The following CCDC93 variants were observed in gnomAD, a reference collection of about 807,000 sequenced individuals.
The protein encoded by CCDC93 is coiled-coil domain-containing protein 93.
Under a neutral mutation model 108.2 loss-of-function variants are expected in CCDC93, and 61 were observed. The observed-to-expected ratio is 0.56, with a 90% CI of 0.46 to 0.70. The LOEUF is 0.70. Among genes scored for constraint, CCDC93 ranks in the 30% least tolerant of loss-of-function variants. CCDC93 has a pLI of 0.00. For synonymous variants in CCDC93, 276 were observed against 260.4 expected, an observed-to-expected ratio of 1.06 and a Z score of -0.58; for missense variants, 685 against 764.2, an observed-to-expected ratio of 0.90 and a Z score of 1.22.
intron 13 of CCDC93, chr2:117,949,853 A>G (rs1431572522): frequency 3.0e-6 from 3 of 985,298 alleles, no homozygotes; most frequent in African/African-American, 3.5e-5. Flanking sequence ...ACAGGCCAAA[A>G]AGGATGGTTA....
At chr2:117,959,571 T>C (rs534680052) in intron 11 of CCDC93, among the ~76,000 whole-genome samples, 1 of 152,330 alleles carries the variant, frequency 6.6e-6, no homozygotes, top group East Asian at 1.9e-4. Context: ...CCATTTATTC[T>C]GGTTAAGGAT....
rs562122526 is a variant in CCDC93 at position 117,996,189 on chromosome 2, G to A, written c.462+75C>T. The A allele has an allele frequency of 5.1e-6, 5 of 979,308 alleles. No homozygotes were observed. The South Asian group carries it at 7.0e-5, about 14-fold the overall frequency. 60.7% of individuals were successfully genotyped at this position (979,308 alleles called of 1,614,324 possible). On this transcript the variant is annotated intron_variant, in intron 5 of 23. Coordinates refer to ENST00000376300, the MANE Select transcript of CCDC93 (RefSeq NM_019044.5). ...ATGTAGGGGAGCCTGAGCTTACTCT[G>A]CTCCTTGCTAGAGAGTCTCTTAAGT... is the stretch of plus-strand genomic sequence containing the variant.
Position 117,952,418 on chromosome 2 carries a change from G to A in CCDC93, c.1023C>T (p.Thr341=). The change falls in exon 13 of 24, where the codon ACC becomes ACT. Residue 341 remains threonine (T), a synonymous_variant. Coordinates refer to ENST00000376300, the MANE Select transcript of CCDC93 (RefSeq NM_019044.5). ...KHLEELRASH[T]SLQARYNEAK... ...CTTCATTATATCTGGCTTGTAGGCT[G>A]GTGTGACTTGCTCGCAGCTGTAAAT... is the stretch of plus-strand genomic sequence containing the variant. 1 of 1,612,906 alleles carries A rather than the reference G, an allele frequency of 6.2e-7. No individual in the cohort carries two copies. Among genetic ancestry groups the A allele is most frequent in the Non-Finnish European group, 8.5e-7 (1 of 1,178,938 alleles).
chr2:117,986,151 G>GTT, intron 6 of CCDC93, 82 bp from the exon 7 acceptor site: 2 of 553,812 alleles, frequency 3.6e-6, no homozygotes, highest in East Asian at 3.6e-5. Context: ...CAGCCATGGG[G>GTT]TATATTCTCT....
At chr2:117,950,725 TCAAG>T (rs1679026781) in intron 13 of CCDC93, 1 of 985,288 alleles carries the variant, frequency 1.0e-6, no homozygotes, top group Non-Finnish European at 1.2e-6. Flanking sequence ...GCTGACCAAA[TCAAG>T]CTTCTTCAGA....
chr2:118,003,719 C>T (rs541916233), intron 3 of CCDC93, among the ~76,000 whole-genome samples: 29 of 152,212 alleles, frequency 1.9e-4, no homozygotes, highest in African/African-American at 6.7e-4. Flanking sequence ...AAGGCTATCA[C>T]GGGTCATCCT....
chr2:117,986,779 A>T (rs573353324), intron 6 of CCDC93, among the ~76,000 whole-genome samples: 2 of 152,338 alleles, frequency 1.3e-5, no homozygotes, highest in South Asian at 4.1e-4. Context: ...AGATGATGCT[A>T]AAGGTTGTTC....
At chr2:118,008,415 T>C in intron 2 of CCDC93, 130 bp downstream of exon 2, 2 of 632,502 alleles carry the variant, frequency 3.2e-6, no homozygotes, top group Middle Eastern at 2.6e-4. Context: ...ATAATGAATC[T>C]GAATTAGGAA....
chr2:117,923,220 C>T (rs1206991645), intron 23 of CCDC93, among the ~76,000 whole-genome samples: 1 of 152,142 alleles, frequency 6.6e-6, no homozygotes, highest in African/African-American at 2.4e-5. Flanking sequence ...TCTGCATTTC[C>T]AACTGAGGTA....
intron 13 of CCDC93, chr2:117,950,801 T>C: frequency 1.0e-6 from 1 of 985,456 alleles, no homozygotes; most frequent in Non-Finnish European, 1.2e-6. Context: ...TAGTCTGATT[T>C]TCCTATTAGA....
chr2:117,982,764 G>GT (rs1553457184), intron 7 of CCDC93, among the ~76,000 whole-genome samples: 24 of 151,904 alleles, frequency 1.6e-4, no homozygotes, highest in Non-Finnish European at 2.8e-4. Context: ...GTGGGGGGGG[G>GT]GGTGCGTGAG....
rs1034928817 is a variant in CCDC93, at chr2:117,916,521, A to T, written c.*3822T>A. On this transcript the variant is annotated 3_prime_UTR_variant, in exon 24 of 24. Transcript: ENST00000376300. ...TTCAATCTAAATTTTCCTAATAGAG[A>T]TGCAAAGTTGCAATGTGGAAAAGCC... 1.3e-5 allele frequency: 2 copies of T among 152,214 alleles called. No individual in the cohort carries two copies. The highest frequency in any genetic ancestry group is 4.8e-5 in the African/African-American group (2 of 41,466). The allele number at this position is 152,214 out of a possible 1,614,324, so 9.4% of individuals were successfully genotyped here. A position where few individuals can be genotyped will look rare whatever the true frequency, so the allele number is the denominator to read the frequency against.
intron 22 of CCDC93, chr2:117,933,976 C>T (rs1417061435): frequency 1.3e-5 from 2 of 152,108 alleles, no homozygotes; most frequent in Non-Finnish European, 2.9e-5. Context: ...TGGCACCCAC[C>T]ATGGAGGGGA....
In CCDC93 at chr2:117,964,640, C is replaced by T. The variant is rs139580188; in HGVS notation, c.889-6159G>A. 6.1e-3 allele frequency among the ~76,000 whole-genome samples: 932 copies of T among 152,140 alleles called. 9 individuals carry two copies. Among genetic ancestry groups the T allele is most frequent in the Middle Eastern group, 0.01 (3 of 294 alleles). On this transcript the variant is annotated intron_variant, in intron 11 of 23. Transcript: ENST00000376300. ...TTTTAAGAGGGTCTCACTCTGTTGC[C>T]CAGGCTGGAATGCAGTGGCATGATC...
chr2:117,996,858 T>C (rs1017680186), intron 4 of CCDC93: 5 of 153,490 alleles, frequency 3.3e-5, no homozygotes, highest in African/African-American at 7.2e-5. Context: ...AACTCCCCAT[T>C]TGACAAGTGA....
At chr2:117,966,708 C>G (rs1173241462) in intron 11 of CCDC93, among the ~76,000 whole-genome samples, 1 of 152,180 alleles carries the variant, frequency 6.6e-6, no homozygotes, top group Non-Finnish European at 1.5e-5. Context: ...ATAAGTACAT[C>G]CTTGACCATA....
intron 22 of CCDC93, 77 bp from the exon 23 acceptor site, chr2:117,931,227 C>T: frequency 7.0e-6 from 6 of 858,794 alleles, no homozygotes; most frequent in East Asian, 2.4e-5. Context: ...CAAAAGGCAA[C>T]AGTTGTTAAC....
intron 11 of CCDC93, among the ~76,000 whole-genome samples, chr2:117,966,657 T>G (rs1679588426): frequency 6.6e-6 from 1 of 152,248 alleles, no homozygotes; most frequent in African/African-American, 2.4e-5. Flanking sequence ...AATGTGGCTG[T>G]CTGCTTTTTC....
At chr2:117,987,426 A>C (rs1680353574) in intron 6 of CCDC93, among the ~76,000 whole-genome samples, 1 of 152,192 alleles carries the variant, frequency 6.6e-6, no homozygotes. Flanking sequence ...CACAAGACTC[A>C]TTCTACAATC....
Sources: gnomAD v4.1 joint callset for allele counts (sites outside exome capture counted in the v4.1 genomes callset) on GRCh38, gnomAD v4.1.1 for gene constraint, MANE v1.5 for transcripts, NCBI Gene and HGNC (gene_info 2026-07-23, HGNC 2026-07-21) for gene names.